Variants in KIAA1958 observed in about 807,000 individuals in gnomAD.
The protein encoded by KIAA1958 is KIAA1958.
A neutral mutation model predicts 47.2 loss-of-function variants in KIAA1958; 14 were observed. The ratio of observed to expected loss-of-function variants is 0.30; its 90% CI spans 0.20 to 0.46. The LOEUF is 0.46. Ranked by LOEUF, KIAA1958 falls within the 20% of genes least tolerant of loss-of-function variation. KIAA1958 has a pLI of 1.00. For synonymous variants in KIAA1958, 354 were observed against 353.3 expected (o/e 1.00, Z -0.02); for missense variants, 803 against 909.2 (o/e 0.88, Z 1.50).
intron 2 of KIAA1958, among the ~76,000 whole-genome samples, chr9:112,594,306 C>T (rs1057056029): frequency 2.3e-4 from 35 of 152,146 alleles, no homozygotes; most frequent in African/African-American, 8.4e-4. Flanking sequence ...CTTTAAAGTG[C>T]ACAATTAAAA....
intron 2 of KIAA1958, among the ~76,000 whole-genome samples, chr9:112,637,503 T>C (rs1358332945): frequency 3.9e-5 from 6 of 151,968 alleles, no homozygotes. Context: ...TCAGCCTCCT[T>C]AGTAACTGGG....
intron 3 of KIAA1958, among the ~76,000 whole-genome samples, chr9:112,657,854 T>C (rs1837180106): frequency 6.6e-6 from 1 of 151,906 alleles, no homozygotes; most frequent in South Asian, 2.1e-4. Context: ...TTTTCCTTTT[T>C]CTTCCTTTTT....
intron 1 of KIAA1958, among the ~76,000 whole-genome samples, chr9:112,557,473 T>G (rs527327355): frequency 6.6e-6 from 1 of 152,322 alleles, no homozygotes; most frequent in East Asian, 1.9e-4. Context: ...TTTAGAAATC[T>G]AATTCTGGGA....
chr9:112,539,866 ATT>A (rs1834912595), intron 1 of KIAA1958, among the ~76,000 whole-genome samples: 1 of 128,024 alleles, frequency 7.8e-6, no homozygotes, highest in Non-Finnish European at 1.7e-5. Context: ...AATTTTTTCT[ATT>A]TTTTGAGTGA....
intron 1 of KIAA1958, among the ~76,000 whole-genome samples, chr9:112,548,247 G>T (rs1835077377): frequency 6.6e-6 from 1 of 152,054 alleles, no homozygotes; most frequent in Non-Finnish European, 1.5e-5. Flanking sequence ...TGCCCACCTT[G>T]GCCTCCCAAA....
chr9:112,580,504 T>G (rs1835718020), intron 2 of KIAA1958, among the ~76,000 whole-genome samples: 1 of 152,118 alleles, frequency 6.6e-6, no homozygotes, highest in Non-Finnish European at 1.5e-5. Flanking sequence ...GAAACAAGAC[T>G]AACTGGGCAC....
intron 2 of KIAA1958, among the ~76,000 whole-genome samples, chr9:112,610,796 A>G (rs1449872310): frequency 2.0e-5 from 3 of 152,172 alleles, no homozygotes; most frequent in Non-Finnish European, 4.4e-5. Context: ...TAACAGAAAT[A>G]ACATAAAATA....
chr9:112,532,300 A>G (rs1834763703), intron 1 of KIAA1958, among the ~76,000 whole-genome samples: 1 of 152,094 alleles, frequency 6.6e-6, no homozygotes, highest in Non-Finnish European at 1.5e-5. Context: ...TGCATTTTAA[A>G]TCTTTTATTA....
At chr9:112,587,257 C>T (rs1306983888) in intron 2 of KIAA1958, among the ~76,000 whole-genome samples, 1 of 152,192 alleles carries the variant, frequency 6.6e-6, no homozygotes, top group Non-Finnish European at 1.5e-5. Context: ...TCAAGCAATT[C>T]TCATACCTCA....
chr9:112,577,449 G>A (rs908762943), intron 2 of KIAA1958, among the ~76,000 whole-genome samples: 2 of 151,812 alleles, frequency 1.3e-5, no homozygotes, highest in Non-Finnish European at 2.9e-5. Context: ...CTTGATATAT[G>A]TAGGATATAA....
chr9:112,580,921 C>G (rs1564180150), intron 2 of KIAA1958, among the ~76,000 whole-genome samples: 2 of 152,128 alleles, frequency 1.3e-5, no homozygotes, highest in South Asian at 4.1e-4. Flanking sequence ...AGTAAAAATT[C>G]AGCTTTTTAT....
chr9:112,534,856 A>G (rs998341118), intron 1 of KIAA1958, among the ~76,000 whole-genome samples: 1 of 152,038 alleles, frequency 6.6e-6, no homozygotes, highest in African/African-American at 2.4e-5. Flanking sequence ...TCTTTTTCTT[A>G]TTGATTTATG....
At chr9:112,550,909 G>A (rs997196909) in intron 1 of KIAA1958, among the ~76,000 whole-genome samples, 1 of 152,120 alleles carries the variant, frequency 6.6e-6, no homozygotes, top group Admixed American at 6.6e-5. Context: ...ATACTCTTAT[G>A]AGGAAGATAT....
At chr9:112,606,540 C>T (rs929321791) in intron 2 of KIAA1958, among the ~76,000 whole-genome samples, 2 of 152,166 alleles carry the variant, frequency 1.3e-5, no homozygotes, top group African/African-American at 4.8e-5. Context: ...ATGACTCATT[C>T]AGTTCACCTG....
At chr9:112,635,182 G>A (rs1836781715) in intron 2 of KIAA1958, among the ~76,000 whole-genome samples, 1 of 151,024 alleles carries the variant, frequency 6.6e-6, no homozygotes, top group Non-Finnish European at 1.5e-5. Context: ...AAACCCATCT[G>A]AACCTGAAGT....
intron 2 of KIAA1958, among the ~76,000 whole-genome samples, chr9:112,634,862 G>C (rs906606680): frequency 3.3e-5 from 5 of 152,136 alleles, no homozygotes; most frequent in African/African-American, 1.2e-4. Context: ...ATTTAGAAGT[G>C]TGTAATTATC....
chr9:112,637,509 C>T (rs1484934819), intron 2 of KIAA1958, among the ~76,000 whole-genome samples: 1 of 152,086 alleles, frequency 6.6e-6, no homozygotes, highest in Non-Finnish European at 1.5e-5. Context: ...TCCTTAGTAA[C>T]TGGGATTACA....
intron 2 of KIAA1958, among the ~76,000 whole-genome samples, chr9:112,586,289 C>T (rs1407655014): frequency 6.6e-6 from 1 of 152,154 alleles, no homozygotes; most frequent in African/African-American, 2.4e-5. Context: ...CATTCCATGT[C>T]ATAATTTATT....
chr9:112,500,098 A>AATT (rs1161024500), intron 1 of KIAA1958, among the ~76,000 whole-genome samples: 2 of 151,356 alleles, frequency 1.3e-5, no homozygotes, highest in African/African-American at 2.4e-5. Context: ...TTCCTATTAA[A>AATT]ATTATTATTA....
Sources: gnomAD v4.1 joint callset for allele counts (sites outside exome capture counted in the v4.1 genomes callset) on GRCh38, gnomAD v4.1.1 for gene constraint, MANE v1.5 for transcripts, NCBI Gene and HGNC (gene_info 2026-07-23, HGNC 2026-07-21) for gene names.